The following SH3PXD2B variants were observed in gnomAD, a reference collection of about 807,000 sequenced individuals.
SH3PXD2B encodes the protein SH3 and PX domains 2B.
In SH3PXD2B, 37 loss-of-function variants were observed where a neutral mutation model predicts 73.1. The ratio of observed to expected loss-of-function variants is 0.51; its 90% CI spans 0.39 to 0.67. The LOEUF is 0.67. Among genes scored for constraint, SH3PXD2B ranks in the 30% least tolerant of loss-of-function variants. The pLI is 0.00. For missense variants in SH3PXD2B, 1,053 were observed against 1,197.8 expected (o/e 0.88, Z 1.78); for synonymous variants, 457 against 480.5 (o/e 0.95, Z 0.64).
chr5:172,359,497 G>GC (rs2113313285), intron 7 of SH3PXD2B, among the ~76,000 whole-genome samples: 1 of 151,544 alleles, frequency 6.6e-6, no homozygotes, highest in East Asian at 1.9e-4. Context: ...CATCCCAACT[G>GC]CACACATGAG....
chr5:172,434,091 G>C (rs563415879), intron 1 of SH3PXD2B, among the ~76,000 whole-genome samples: 1 of 152,246 alleles, frequency 6.6e-6, no homozygotes, highest in East Asian at 1.9e-4. Flanking sequence ...ACAGTGTATT[G>C]TGTATTTCAA....
intron 3 of SH3PXD2B, among the ~76,000 whole-genome samples, chr5:172,399,204 T>C (rs577182822): frequency 6.6e-6 from 1 of 152,364 alleles, no homozygotes; most frequent in Admixed American, 6.5e-5. Flanking sequence ...AACAAATTGT[T>C]TGATTTTATA....
intron 10 of SH3PXD2B, among the ~76,000 whole-genome samples, chr5:172,348,663 C>CTTATCT (rs1354080530): frequency 3.5e-5 from 1 of 28,860 alleles, no homozygotes; most frequent in African/African-American, 8.2e-5. Context: ...TCCTATCTAT[C>CTTATCT]TATCTATCTA....
intron 12 of SH3PXD2B, among the ~76,000 whole-genome samples, chr5:172,343,618 C>T (rs9313589): frequency 0.065 from 9,800 of 151,718 alleles, 931 homozygotes; most frequent in African/African-American, 0.21. Flanking sequence ...CTGGCCAACA[C>T]GGTGAAACCC....
chr5:172,405,495 C>A (rs1010290886), intron 3 of SH3PXD2B, among the ~76,000 whole-genome samples: 4 of 152,146 alleles, frequency 2.6e-5, no homozygotes, highest in African/African-American at 4.8e-5. Context: ...GGAGAGGGCT[C>A]CTGTGATGAG....
intron 6 of SH3PXD2B, among the ~76,000 whole-genome samples, chr5:172,366,931 C>CCTTTTTTTTTTTTTT (rs1226783777): frequency 1.4e-5 from 1 of 69,686 alleles, no homozygotes; most frequent in Non-Finnish European, 2.8e-5. Flanking sequence ...CGTGCCCGGC[C>CCTTTTTTTTTTTTTT]ATTTTTTTTT....
chr5:172,389,059 T>C (rs1167291960), intron 4 of SH3PXD2B, among the ~76,000 whole-genome samples: 1 of 103,510 alleles, frequency 9.7e-6, no homozygotes, highest in African/African-American at 6.8e-5. Context: ...TACTTTTTCT[T>C]TTTTTTTTTT....
Position 172,358,876 on chromosome 5 carries a change from A to G in SH3PXD2B, c.564T>C (p.Gly188=), listed in dbSNP as rs764664228. Reference sequence around the variant, plus strand: ...CCTCGGCAGTGCTGACGAACCACCAACCTGGGGAAGCAAGAGTGCAGAATG... The same window carrying G: ...CCTCGGCAGTGCTGACGAACCACCAGCCTGGGGAAGCAAGAGTGCAGAATG... The part of the protein sequence containing the change: ...VVDIIEKNES[G]WWFVSTAEEQ... Residue 188 remains glycine (G), a splice_region_variant and synonymous_variant, in exon 8 of 13, where the codon GGT becomes GGC. Transcript: ENST00000311601. The G allele has an allele frequency of 4.5e-5, 73 of 1,613,692 alleles. No individual in the cohort carries two copies. The highest frequency in any genetic ancestry group is 6.0e-5 in the Non-Finnish European group (71 of 1,179,840).
intron 1 of SH3PXD2B, among the ~76,000 whole-genome samples, chr5:172,451,970 A>G (rs1335786548): frequency 6.6e-6 from 1 of 152,236 alleles, no homozygotes; most frequent in Non-Finnish European, 1.5e-5. Context: ...CTTGAATCAC[A>G]TGAGTGACTA....
At chr5:172,350,679 C>A in intron 9 of SH3PXD2B, 90 bp from the exon 10 acceptor site, 1 of 1,345,810 alleles carries the variant, frequency 7.4e-7, no homozygotes, top group South Asian at 1.3e-5. Flanking sequence ...TGACAGGTCC[C>A]AGGGAGCAGG....
chr5:172,332,257 T>TTTC (rs1756571345), downstream of SH3PXD2B, among the ~76,000 whole-genome samples: 1 of 17,084 alleles, frequency 5.9e-5, no homozygotes, highest in Non-Finnish European at 1.4e-4. Flanking sequence ...TTTTCCTTCC[T>TTTC]TTTTTTTTTT....
At chr5:172,378,731 T>C (rs1757875141) in intron 5 of SH3PXD2B, among the ~76,000 whole-genome samples, 1 of 152,168 alleles carries the variant, frequency 6.6e-6, no homozygotes, top group Non-Finnish European at 1.5e-5. Context: ...AAGAGGAGAC[T>C]GAGGCAAGGG....
At chr5:172,368,392 C>T (rs74291582) in intron 6 of SH3PXD2B, among the ~76,000 whole-genome samples, 12,303 of 137,780 alleles carry the variant, frequency 0.089, 837 homozygotes, top group South Asian at 0.19. Flanking sequence ...CTGCTATATT[C>T]ATACTGCCTA....
At chr5:172,403,500 AG>A (rs11296659) in intron 3 of SH3PXD2B, among the ~76,000 whole-genome samples, 55,212 of 151,974 alleles carry the variant, frequency 0.36, 10,753 homozygotes, top group East Asian at 0.66. Flanking sequence ...CCTGGGGTCC[AG>A]CAGGACCTCT....
At chr5:172,396,698 A>T (rs1758309118) in intron 3 of SH3PXD2B, among the ~76,000 whole-genome samples, 1 of 147,940 alleles carries the variant, frequency 6.8e-6, no homozygotes, top group African/African-American at 2.5e-5. Context: ...TGTAATCCCC[A>T]CATTTTGGGA....
intron 12 of SH3PXD2B, among the ~76,000 whole-genome samples, chr5:172,325,808 T>A (rs1727450327): frequency 6.6e-6 from 1 of 152,180 alleles, no homozygotes. Context: ...TGAGACAGCG[T>A]TTCGCTGTTG....
chr5:172,405,867 G>A (rs149364282), intron 3 of SH3PXD2B, among the ~76,000 whole-genome samples: 240 of 152,272 alleles, frequency 1.6e-3, no homozygotes, highest in African/African-American at 5.5e-3. Context: ...TTCTGAGTTC[G>A]AATTATTCCC....
chr5:172,444,856 G>T (rs1313890533), intron 1 of SH3PXD2B, among the ~76,000 whole-genome samples: 1 of 152,086 alleles, frequency 6.6e-6, no homozygotes, highest in Non-Finnish European at 1.5e-5. Context: ...CTCAGCCTTC[G>T]TGTGCTGTAC....
chr5:172,360,570 G>A (rs1561903556), intron 7 of SH3PXD2B, among the ~76,000 whole-genome samples: 2 of 152,344 alleles, frequency 1.3e-5, no homozygotes, highest in African/African-American at 2.4e-5. Context: ...AGTGGCTCAC[G>A]CCTGCAATCC....
Sources: gnomAD v4.1 joint callset for allele counts (sites outside exome capture counted in the v4.1 genomes callset) on GRCh38, gnomAD v4.1.1 for gene constraint, MANE v1.5 for transcripts, NCBI Gene and HGNC (gene_info 2026-07-23, HGNC 2026-07-21) for gene names.